Variants in PDE10A observed in about 807,000 individuals in gnomAD.
PDE10A encodes phosphodiesterase 10A.
In PDE10A, 39 loss-of-function variants were observed where a neutral mutation model predicts 97.7. That is an observed-to-expected ratio of 0.40 (90% CI 0.31 to 0.52). PDE10A has a LOEUF of 0.52. PDE10A is among the 20% of genes least tolerant of loss of function. PDE10A has a pLI of 0.56. For synonymous variants in PDE10A, 371 were observed against 376.8 expected (o/e 0.98, Z 0.18); for missense variants, 731 against 1,047.8 (o/e 0.70, Z 4.17).
chr6:165,987,488 T>C (rs1308796683), intron 1 of PDE10A: 3 of 346,914 alleles, frequency 8.6e-6, no homozygotes, highest in East Asian at 1.5e-4. Context: ...TTTTCTGGAC[T>C]CTCAAGGGTT....
At chr6:165,645,718 G>A (rs1789359754) in intron 1 of PDE10A, among the ~76,000 whole-genome samples, 1 of 151,902 alleles carries the variant, frequency 6.6e-6, no homozygotes, top group South Asian at 2.1e-4. Context: ...GCTGGGTTTG[G>A]TGGTGTGCAC....
chr6:165,400,731 C>A (rs1185502647), intron 13 of PDE10A, among the ~76,000 whole-genome samples: 1 of 152,180 alleles, frequency 6.6e-6, no homozygotes, highest in African/African-American at 2.4e-5. Context: ...AGATGAAAGT[C>A]TATGGCCACT....
At chr6:165,379,028 A>C (rs1041258874) in intron 18 of PDE10A, among the ~76,000 whole-genome samples, 166 bp downstream of exon 18, 9 of 152,238 alleles carry the variant, frequency 5.9e-5, no homozygotes, top group African/African-American at 1.9e-4. Flanking sequence ...TCAAACAACA[A>C]AGCATCTAAA....
intron 1 of PDE10A, chr6:165,773,247 T>A (rs996657267): frequency 6.6e-6 from 1 of 152,240 alleles, no homozygotes; most frequent in African/African-American, 2.4e-5. Context: ...GTTGACATTA[T>A]GAGTCCTCTT....
chr6:165,605,320 C>T (rs565391041), intron 1 of PDE10A, among the ~76,000 whole-genome samples: 5 of 152,194 alleles, frequency 3.3e-5, no homozygotes, highest in Admixed American at 2.0e-4. Flanking sequence ...CCCTTCCACT[C>T]GTTCCGAATG....
chr6:165,459,422 G>C (rs1778159166), intron 3 of PDE10A, among the ~76,000 whole-genome samples: 1 of 151,834 alleles, frequency 6.6e-6, no homozygotes, highest in Admixed American at 6.6e-5. Flanking sequence ...GTTCCCCTTA[G>C]TAGAAAATGG....
chr6:165,503,092 T>A (rs1221182551), intron 2 of PDE10A, among the ~76,000 whole-genome samples: 2 of 152,194 alleles, frequency 1.3e-5, no homozygotes, highest in East Asian at 3.9e-4. Flanking sequence ...CCACCATTTC[T>A]TTCTTCCATT....
At chr6:165,584,116 T>C (rs953654135) in intron 1 of PDE10A, among the ~76,000 whole-genome samples, 1 of 152,206 alleles carries the variant, frequency 6.6e-6, no homozygotes, top group African/African-American at 2.4e-5. Flanking sequence ...CCAAATCGTC[T>C]GTGTGATCTT....
intron 1 of PDE10A, among the ~76,000 whole-genome samples, chr6:165,924,130 C>T (rs563557783): frequency 1.3e-5 from 2 of 152,286 alleles, no homozygotes; most frequent in African/African-American, 4.8e-5. Context: ...GTGGGTATAA[C>T]TCGTTGTTTC....
At chr6:165,376,508 G>A (rs1784612790) in intron 18 of PDE10A, among the ~76,000 whole-genome samples, 1 of 152,238 alleles carries the variant, frequency 6.6e-6, no homozygotes, top group Non-Finnish European at 1.5e-5. Flanking sequence ...GTTGAAGGAA[G>A]TTCTACTGCA....
At chr6:165,508,473 G>C (rs1316251999) in intron 2 of PDE10A, among the ~76,000 whole-genome samples, 1 of 151,912 alleles carries the variant, frequency 6.6e-6, no homozygotes, top group Non-Finnish European at 1.5e-5. Context: ...TGGTGGACCT[G>C]AGTTATTTCC....
intron 7 of PDE10A, among the ~76,000 whole-genome samples, chr6:165,431,896 C>T (rs930210617): frequency 7.2e-5 from 11 of 151,958 alleles, no homozygotes; most frequent in African/African-American, 1.9e-4. Context: ...TACTACTTTT[C>T]GGTTTAACAA....
intron 2 of PDE10A, among the ~76,000 whole-genome samples, chr6:165,518,751 G>A (rs893253093): frequency 6.6e-5 from 10 of 152,172 alleles, no homozygotes; most frequent in South Asian, 4.1e-4. Context: ...CCATGAAACC[G>A]TGAAGAAGGA....
At chr6:165,712,878 G>C (rs929223316) in intron 1 of PDE10A, among the ~76,000 whole-genome samples, 10 of 152,066 alleles carry the variant, frequency 6.6e-5, no homozygotes, top group Admixed American at 6.5e-5. Flanking sequence ...CTGACCTCGT[G>C]ATCTGCCTGC....
At chr6:165,903,730 A>G (rs1269142150) in intron 1 of PDE10A, among the ~76,000 whole-genome samples, 1 of 150,970 alleles carries the variant, frequency 6.6e-6, no homozygotes, top group African/African-American at 2.5e-5. Context: ...TCACCTGGGG[A>G]GAAAGTGTAG....
chr6:165,809,630 C>T (rs1779226449), intron 1 of PDE10A, among the ~76,000 whole-genome samples: 2 of 152,168 alleles, frequency 1.3e-5, no homozygotes, highest in Admixed American at 1.3e-4. Context: ...AGCCTCACTC[C>T]ACTCCTGGCT....
intron 1 of PDE10A, among the ~76,000 whole-genome samples, chr6:165,813,267 C>G (rs895513226): frequency 1.3e-5 from 2 of 148,396 alleles, no homozygotes; most frequent in African/African-American, 4.9e-5. Context: ...AAAATAATCT[C>G]ATGATAGCCT....
At chr6:165,619,733 T>TGTAGTCTAGTGCAGC (rs1788032843) in intron 1 of PDE10A, among the ~76,000 whole-genome samples, 1 of 151,626 alleles carries the variant, frequency 6.6e-6, no homozygotes, top group African/African-American at 2.4e-5. Context: ...TGTAGTGTAG[T>TGTAGTCTAGTGCAGC]GTAGTCTAGT....
chr6:165,526,471 T>C (rs1012316789), intron 2 of PDE10A, among the ~76,000 whole-genome samples: 1 of 152,122 alleles, frequency 6.6e-6, no homozygotes, highest in African/African-American at 2.4e-5. Context: ...TGGAAGCCAT[T>C]AGAGCTGCTT....
Sources: allele counts gnomAD v4.1 joint callset (sites outside exome capture counted in the v4.1 genomes callset), GRCh38; gene constraint gnomAD v4.1.1; transcripts MANE v1.5; gene names NCBI Gene and HGNC (gene_info 2026-07-23, HGNC 2026-07-21).